The following TNXB variants were observed in gnomAD, a reference collection of about 807,000 sequenced individuals.
TNXB encodes the protein tenascin-X.
In TNXB, 183 loss-of-function variants were observed where a neutral mutation model predicts 340.5. That is an observed-to-expected ratio of 0.54 (90% CI 0.48 to 0.61). The LOEUF (loss-of-function observed/expected upper bound fraction) is 0.61. Among genes scored for constraint, TNXB ranks in the 20% least tolerant of loss-of-function variants. The probability of loss-of-function intolerance (pLI) is 0.00; values close to 1 mark genes in which losing one functional copy is unlikely to be tolerated. For synonymous variants in TNXB, 2,121 were observed against 2,314.5 expected, an observed-to-expected ratio of 0.92 and a Z score of 2.40; for missense variants, 4,613 against 5,446.4, an observed-to-expected ratio of 0.85 and a Z score of 4.82.
At chr6:32,107,403 C>T (rs1315360858) in intron 1 of TNXB, among the ~76,000 whole-genome samples, 2 of 152,158 alleles carry the variant, frequency 1.3e-5, no homozygotes, top group African/African-American at 4.8e-5. Flanking sequence ...CAATCTCCCT[C>T]CCTGCCCTGT....
At position 32,049,364 on chromosome 6, in the gene TNXB, C is replaced by T. The variant is rs2242569; in HGVS notation, c.9663G>A (p.Val3221=). The part of the protein sequence containing the change: ...RVRGEESEVT[V]GGLEPGRKYK... ...ATTTGCGCCCGGGCTCCAGGCCCCC[C>T]ACGGTGACCTCGCTCTCCTCGCCCC... Residue 3221 remains valine (V), a synonymous_variant, in exon 28 of 44, where the codon GTG becomes GTA. Transcript: ENST00000644971. The surrounding 1 kb of genome is among the most constrained non-coding windows in gnomAD (Gnocchi z 4.5). The T allele has an allele frequency of 1.2e-3, 1,956 of 1,612,502 alleles. 44 individuals are homozygous for T. In the East Asian group the frequency reaches 0.041, roughly 34 times the overall value.
At position 32,088,686 on chromosome 6, in the gene TNXB, G is replaced by A. The variant is rs542334424; in HGVS notation, c.2779+99C>T. The A allele has an allele frequency of 6.2e-5, 91 of 1,471,014 alleles. No individual in the cohort carries two copies. In the East Asian group the frequency reaches 2.1e-3, roughly 35 times the overall value. The allele number at this position is 1,471,014 out of a possible 1,614,324, so 91.1% of individuals were successfully genotyped here. A position where few individuals can be genotyped will look rare whatever the true frequency, so the allele number is the denominator to read the frequency against. On this transcript the variant is annotated intron_variant, in intron 6 of 43. Transcript: ENST00000644971. ...CGAGACTGCCACACACCTGCCAGAA[G>A]CATTCAGAGGAGTCTGTGAGCCCTG...
In TNXB at chr6:32,050,094, T is replaced by C. The variant is rs1385532203; in HGVS notation, c.9343A>G (p.Ile3115Val). 1.9e-6 allele frequency: 3 copies of C among 1,613,742 alleles called. No homozygotes were observed. The Admixed American group carries it at 5.0e-5, about 27-fold the overall frequency. The change falls in exon 27 of 44, where the codon ATC (isoleucine) becomes GTC (valine). Residue 3115 changes from isoleucine to valine, a missense_variant. By Grantham distance (29) the Ile-to-Val change is conservative. Coordinates refer to ENST00000644971, the MANE Select transcript of TNXB (RefSeq NM_001365276.2). ...RVPGHEDGVT[I>V]SGLEPDHKYK... ...TTATGGTCTGGCTCCAGGCCTGAGATGGTGACCCCGTCCTCGTGCCCCGGC... is the reference window on the plus strand; with the variant it reads ...TTATGGTCTGGCTCCAGGCCTGAGACGGTGACCCCGTCCTCGTGCCCCGGC...
chr6:32,050,633 G>A (rs113337959), intron 26 of TNXB, among the ~76,000 whole-genome samples: 5,698 of 151,778 alleles, frequency 0.038, 171 homozygotes, highest in African/African-American at 0.079. Flanking sequence ...GGGTCTCCTC[G>A]CCATCTTTTG....
Position 32,055,986 on chromosome 6 carries a change from G to A in TNXB, c.8332C>T (p.Gln2778Ter). 3 of 1,613,352 alleles carry A rather than the reference G, an allele frequency of 1.9e-6. No homozygotes were observed. The highest frequency in any genetic ancestry group is 2.5e-6 in the Non-Finnish European group (3 of 1,179,884). The change falls in exon 24 of 44, where the codon CAG becomes TAG. Residue 2778 changes from glutamine to a stop codon, truncating the protein, a stop_gained. Coordinates refer to ENST00000644971, the MANE Select transcript of TNXB (RefSeq NM_001365276.2). LOFTEE classifies it high-confidence loss of function. ...VQYKDRDGRP[Q>*]VMRVRGEESE... ...TCCTCGCCCCTGACACGCATCACCT[G>A]GGGCCGCCCGTCCCTGTCCTTGTAC... is the stretch of plus-strand genomic sequence containing the variant.
chr6:32,094,953 C>T, intron 4 of TNXB, 123 bp downstream of exon 4: 1 of 748,828 alleles, frequency 1.3e-6, no homozygotes, highest in African/African-American at 1.7e-5. Flanking sequence ...GCCTTTACAG[C>T]AGCTTCAGGT....
chr6:32,076,633 C>T (rs1276707185), intron 11 of TNXB, among the ~76,000 whole-genome samples: 2 of 152,206 alleles, frequency 1.3e-5, no homozygotes, highest in Admixed American at 6.5e-5. Flanking sequence ...GCAGCGTTTA[C>T]TCCCTCCTGA....
In TNXB at chr6:32,050,012, G is replaced by C. The variant is rs749671104; in HGVS notation, c.9425C>G (p.Ala3142Gly). 1 of 1,613,662 alleles carries C rather than the reference G, an allele frequency of 6.2e-7. No homozygotes were observed. The highest frequency in any genetic ancestry group is 8.5e-7 in the Non-Finnish European group (1 of 1,179,846). Residue 3142 changes from alanine (A) to glycine (G), a missense_variant, in exon 27 of 44, where the codon GCC becomes GGC. Physicochemically the swap from Ala to Gly is moderately conservative, Grantham distance 60. Coordinates refer to ENST00000644971, the MANE Select transcript of TNXB (RefSeq NM_001365276.2). Reference sequence around the variant, plus strand: ...CATTCACTCACCCGTCACCCCAATGGCAGACACAGGGCCTACGCGCTGGCC... The same window carrying C: ...CATTCACTCACCCGTCACCCCAATGCCAGACACAGGGCCTACGCGCTGGCC... ...HGGQRVGPVSAIGVTEEETPS... is the reference protein window; with the variant it reads ...HGGQRVGPVSGIGVTEEETPS...
rs371596295 is a variant in TNXB, at chr6:32,050,334, G to A, written c.9116-13C>T. The A allele has an allele frequency of 1.1e-4, 181 of 1,609,120 alleles. 1 individual carries two copies. The highest frequency in any genetic ancestry group is 4.5e-4 in the East Asian group (20 of 44,748). The stretch of plus-strand genomic sequence containing the variant: ...TCATCCTTTGGAGCTGGACAGACAC[G>A]TGTGGGGACAGTGAGGACCCTGGGT... On this transcript the variant is annotated splice_polypyrimidine_tract_variant and intron_variant, in intron 26 of 43. Coordinates refer to ENST00000644971, the MANE Select transcript of TNXB (RefSeq NM_001365276.2).
chr6:32,078,123 G>GAAAGAAAGAAAGAA (rs1554327425), intron 11 of TNXB, among the ~76,000 whole-genome samples: 2 of 142,630 alleles, frequency 1.4e-5, no homozygotes, highest in Non-Finnish European at 3.1e-5. Context: ...AAGAAAGAAA[G>GAAAGAAAGAAAGAA]AAAGAAAGAA....
chr6:32,096,561 C>T lies in TNXB; in HGVS notation c.1292G>A (p.Gly431Asp). 1.9e-6 allele frequency: 3 copies of T among 1,594,102 alleles called. No individual in the cohort carries two copies. Among genetic ancestry groups the T allele is most frequent in the Non-Finnish European group, 1.7e-6 (2 of 1,174,538 alleles). Residue 431 changes from glycine (G) to aspartate (D), a missense_variant, in exon 3 of 44, where the codon GGC becomes GAC. Coordinates refer to ENST00000644971, the MANE Select transcript of TNXB (RefSeq NM_001365276.2). ...ACAGTCGCGTGGGCAGGCGCGCGAG[C>T]CGCAATCGGTTCCAGTGTACCCCGG... Reference protein sequence around the residue: ...CWPGYTGTDCGSRACPRDCRG... With the variant: ...CWPGYTGTDCDSRACPRDCRG...
At chr6:32,056,551 C>T (rs754718500) in intron 23 of TNXB, 35 bp downstream of exon 23, 50 of 1,606,646 alleles carry the variant, frequency 3.1e-5, no homozygotes, top group South Asian at 5.5e-5. Flanking sequence ...GACCCTCCCA[C>T]GGCTCCCACC....
rs1304065378 is a variant in TNXB at position 32,046,387 on chromosome 6, A to T, written c.10394T>A (p.Leu3465Gln). The T allele has an allele frequency of 6.3e-7, 1 of 1,591,246 alleles. No individual in the cohort carries two copies. Among genetic ancestry groups the T allele is most frequent in the Non-Finnish European group, 8.6e-7 (1 of 1,165,976 alleles). The change falls in exon 31 of 44, where the codon CTG becomes CAG. Residue 3465 changes from leucine (L) to glutamine (Q), a missense_variant. Physicochemically the swap from Leu to Gln is moderately radical, Grantham distance 113. Around this residue, in one of 7 missense-constraint regions of TNXB, gnomAD observed 4,327 missense variants for 4,859.4 expected, o/e 0.89. Transcript: ENST00000644971. The surrounding 1 kb of genome is among the most constrained non-coding windows in gnomAD (Gnocchi z 6.9). ...CTGGGCTACCGTCCAGGACAGGCGC[A>T]GAGAGCTGGAGGTCTCCTCAGCCAC... ...LTVAEETSSS[L>Q]RLSWTVAQGP...
intron 35 of TNXB, 25 bp downstream of exon 35, chr6:32,043,724 T>C: frequency 2.5e-5 from 41 of 1,613,514 alleles, no homozygotes; most frequent in Non-Finnish European, 3.5e-5. Context: ...TCCCACCTCT[T>C]GCCCCGGGTC....
At position 32,085,654 on chromosome 6, in the gene TNXB, C is replaced by T; in HGVS notation, c.3148+96G>A. 8.0e-6 allele frequency: 11 copies of T among 1,379,418 alleles called. No homozygotes were observed. The highest frequency in any genetic ancestry group is 2.5e-5 in the East Asian group (1 of 40,604). The allele number at this position is 1,379,418 out of a possible 1,614,324, so 85.4% of individuals were successfully genotyped here. On this transcript the variant is annotated intron_variant, in intron 7 of 43. Coordinates refer to ENST00000644971, the MANE Select transcript of TNXB (RefSeq NM_001365276.2). This position sits in a 1 kb window ranked among gnomAD's most constrained non-coding sequence, Gnocchi z 6.4. Reference sequence around the variant, plus strand: ...CCCCAAACATCAGCCCTGCCCTTCACTGGCCCCTCAATATCCATCCTACCT... The same window carrying T: ...CCCCAAACATCAGCCCTGCCCTTCATTGGCCCCTCAATATCCATCCTACCT...
At position 32,084,977 on chromosome 6, in the gene TNXB, CT is replaced by C. The variant is rs1416771054; in HGVS notation, c.3149-269del. 6.6e-6 allele frequency among the ~76,000 whole-genome samples: 1 copy of C among 152,128 alleles called. No homozygotes were observed. The highest frequency in any genetic ancestry group is 1.5e-5 in the Non-Finnish European group (1 of 68,018). On this transcript the variant is annotated intron_variant, in intron 7 of 43. Transcript: ENST00000644971. This position sits in a 1 kb window ranked among gnomAD's most constrained non-coding sequence, Gnocchi z 5.5. ...ATCTTTGCGGGGGTTTCAGGTCCCCCTGGTTCTGAATGAGAGTTTCAAGCCT... is the reference window on the plus strand; with the variant it reads ...ATCTTTGCGGGGGTTTCAGGTCCCCCGGTTCTGAATGAGAGTTTCAAGCCT...
chr6:32,069,479 G>T lies in TNXB; in HGVS notation c.5587+74C>A. 6.8e-7 allele frequency: 1 copy of T among 1,461,124 alleles called. No homozygotes were observed. The highest frequency in any genetic ancestry group is 9.1e-7 in the Non-Finnish European group (1 of 1,096,054). The allele number at this position is 1,461,124 out of a possible 1,614,324, so 90.5% of individuals were successfully genotyped here. ...AATGATATAAAATGGGAAGCTCAGA[G>T]ATCTTATGGCTCAGTCAGACCAGGA... is the stretch of plus-strand genomic sequence containing the variant. On this transcript the variant is annotated intron_variant, in intron 15 of 43. Coordinates refer to ENST00000644971, the MANE Select transcript of TNXB (RefSeq NM_001365276.2). This position sits in a 1 kb window ranked among gnomAD's most constrained non-coding sequence, Gnocchi z 6.2.
rs1275542915 is a variant in TNXB at position 32,051,925 on chromosome 6, A to G, written c.9115+745T>C. ...AATGGTGTTGCCAGGGGCTGGGGCA[A>G]GGGGAGAATGGGAGTTCGTGTCTAG... is the stretch of plus-strand genomic sequence containing the variant. On this transcript the variant is annotated intron_variant, in intron 26 of 43. Coordinates refer to ENST00000644971, the MANE Select transcript of TNXB (RefSeq NM_001365276.2). This position sits in a 1 kb window ranked among gnomAD's most constrained non-coding sequence, Gnocchi z 4.7. 6.6e-6 allele frequency among the ~76,000 whole-genome samples: 1 copy of G among 152,188 alleles called. No homozygotes were observed. The highest frequency in any genetic ancestry group is 1.5e-5 in the Non-Finnish European group (1 of 68,018).
At position 32,062,677 on chromosome 6, in the gene TNXB, C is replaced by T. The variant is rs533174051; in HGVS notation, c.6842-194G>A. Among the ~76,000 whole-genome samples the T allele has an allele frequency of 6.6e-6, 1 of 152,206 alleles. No individual in the cohort carries two copies. Among genetic ancestry groups the T allele is most frequent in the South Asian group, 2.1e-4 (1 of 4,832 alleles). On this transcript the variant is annotated intron_variant, in intron 19 of 43. Coordinates refer to ENST00000644971, the MANE Select transcript of TNXB (RefSeq NM_001365276.2). This position sits in a 1 kb window ranked among gnomAD's most constrained non-coding sequence, Gnocchi z 4.3. ...GAAGTCATGATGCTCAGGTGGCATC[C>T]CTGTGATGCTCAGTGTGCAGGCCTG...
Sources: allele counts gnomAD v4.1 joint callset (sites outside exome capture counted in the v4.1 genomes callset), GRCh38; gene constraint gnomAD v4.1.1; regional missense constraint gnomAD v4.1.1; non-coding constraint Gnocchi (gnomAD v3.1); transcripts MANE v1.5; gene names NCBI Gene and HGNC (gene_info 2026-07-23, HGNC 2026-07-21).